Variants in NECTIN2 observed in about 807,000 individuals in gnomAD.
NECTIN2 encodes the protein nectin-2.
NECTIN2 carries 23 observed loss-of-function variants against 56.9 expected under a neutral mutation model. The observed-to-expected ratio is 0.40, with a 90% CI of 0.29 to 0.57. The LOEUF (loss-of-function observed/expected upper bound fraction) is 0.57, where lower values mean the gene tolerates loss of function less well. Ranked by LOEUF, NECTIN2 falls within the 20% of genes least tolerant of loss-of-function variation. The pLI, the probability that NECTIN2 is intolerant of heterozygous loss-of-function variation, is 0.38. For synonymous variants in NECTIN2, 302 were observed against 313.8 expected (o/e 0.96, Z 0.40); for missense variants, 587 against 718.3 (o/e 0.82, Z 2.09).
At chr19:44,883,715 C>T (rs1969332058) in intron 6 of NECTIN2, among the ~76,000 whole-genome samples, 1 of 152,152 alleles carries the variant, frequency 6.6e-6, no homozygotes, top group Non-Finnish European at 1.5e-5. Context: ...TGGTCCAGCT[C>T]CTCAGGAGGC....
chr19:44,882,036 C>T, intron 5 of NECTIN2, 175 bp from the exon 6 acceptor site: 1 of 461,528 alleles, frequency 2.2e-6, no homozygotes, highest in Non-Finnish European at 3.6e-6. Flanking sequence ...CCATGCGGGG[C>T]ACACATCCTC....
intron 2 of NECTIN2, among the ~76,000 whole-genome samples, chr19:44,869,152 C>G (rs901897715): frequency 6.6e-6 from 1 of 151,964 alleles, no homozygotes; most frequent in African/African-American, 2.4e-5. Flanking sequence ...CGCCTCTCTT[C>G]TTGTGCAATC....
intron 1 of NECTIN2, among the ~76,000 whole-genome samples, chr19:44,862,475 A>AAAG (rs56283909): frequency 0.33 from 49,060 of 149,822 alleles, 8,817 homozygotes; most frequent in Non-Finnish European, 0.39. Context: ...ATAAAAAAAA[A>AAAG]AAAGAAAGAA....
intron 1 of NECTIN2, among the ~76,000 whole-genome samples, chr19:44,854,126 A>C (rs999475673): frequency 1.3e-5 from 2 of 151,414 alleles, no homozygotes; most frequent in African/African-American, 4.9e-5. Flanking sequence ...TTTGTTTGAG[A>C]CCGAGTCCTC....
At position 44,846,404 on chromosome 19, in the gene NECTIN2, C is replaced by A; in HGVS notation, c.-122C>A. ...GCAGAACAGGGAGGCTAGAGCGCAGCGGGAACCGGCCCGGAGCCGGAGCCG... is the reference window on the plus strand; with the variant it reads ...GCAGAACAGGGAGGCTAGAGCGCAGAGGGAACCGGCCCGGAGCCGGAGCCG... On this transcript the variant is annotated 5_prime_UTR_variant, in exon 1 of 9. Transcript: ENST00000252483. 1.6e-6 allele frequency: 2 copies of A among 1,246,192 alleles called. No individual in the cohort carries two copies. Among genetic ancestry groups the A allele is most frequent in the Non-Finnish European group, 2.1e-6 (2 of 958,548 alleles). 77.2% of individuals were successfully genotyped at this position (1,246,192 alleles called of 1,614,324 possible). A position where few individuals can be genotyped will look rare whatever the true frequency, so the allele number is the denominator to read the frequency against.
intron 6 of NECTIN2, among the ~76,000 whole-genome samples, chr19:44,883,897 A>G (rs1003723175): frequency 6.6e-6 from 1 of 152,078 alleles, no homozygotes; most frequent in African/African-American, 2.4e-5. Flanking sequence ...ACCCAAGTAG[A>G]TAACTTGAGC....
intron 5 of NECTIN2, chr19:44,881,951 T>C (rs182946179): frequency 3.6e-5 from 12 of 331,948 alleles, no homozygotes; most frequent in Middle Eastern, 7.8e-4. Flanking sequence ...TTGCTTACTG[T>C]TGTTCTCCCT....
At chr19:44,860,836 C>G (rs1969023749) in intron 1 of NECTIN2, among the ~76,000 whole-genome samples, 1 of 151,740 alleles carries the variant, frequency 6.6e-6, no homozygotes, top group African/African-American at 2.4e-5. Context: ...AGTGGCCCAC[C>G]CACCTCGGTC....
intron 5 of NECTIN2, among the ~76,000 whole-genome samples, chr19:44,879,683 A>G (rs977087306): frequency 2.6e-5 from 4 of 152,098 alleles, no homozygotes; most frequent in Non-Finnish European, 5.9e-5. Flanking sequence ...AGTAAGGGAC[A>G]GGTTTTTACC....
chr19:44,859,348 G>A (rs957795108), intron 1 of NECTIN2, among the ~76,000 whole-genome samples: 1 of 152,140 alleles, frequency 6.6e-6, no homozygotes, highest in African/African-American at 2.4e-5. Flanking sequence ...CCCTTGGGAC[G>A]CAGGCACTAT....
chr19:44,864,015 C>CCCCA lies in NECTIN2; in HGVS notation c.89-1253_89-1252insACCC, dbSNP rs1969065165. Among the ~76,000 whole-genome samples the CCCCA allele has an allele frequency of 2.0e-5, 3 of 151,140 alleles. No individual in the cohort carries two copies. The South Asian group carries it at 6.3e-4, about 32-fold the overall frequency. ...TATTGATTTATTTTCAGAGGATTCC[C>CCCCA]CCCCCCCAAAAAAAAATCTTATGAA... On this transcript the variant is annotated intron_variant, in intron 1 of 8. Transcript: ENST00000252483.
chr19:44,887,056 A>G (rs1190460185), intron 8 of NECTIN2, among the ~76,000 whole-genome samples: 1 of 151,356 alleles, frequency 6.6e-6, no homozygotes, highest in Non-Finnish European at 1.5e-5. Context: ...GGTCAATGAA[A>G]ATTGATTATC....
At position 44,875,032 on chromosome 19, in the gene NECTIN2, C is replaced by A. The variant is rs1040330815; in HGVS notation, c.1042+554C>A. ...TCCTGGGACAGAGAGACCCCTGGGTCCTGGAGATAGGGCCAGAGACCCCTC... is the reference window on the plus strand; with the variant it reads ...TCCTGGGACAGAGAGACCCCTGGGTACTGGAGATAGGGCCAGAGACCCCTC... On this transcript the variant is annotated intron_variant, in intron 5 of 8. Coordinates refer to ENST00000252483, the MANE Select transcript of NECTIN2 (RefSeq NM_001042724.2). The surrounding 1 kb of genome is among the most constrained non-coding windows in gnomAD (Gnocchi z 4.2). Among the ~76,000 whole-genome samples the A allele has an allele frequency of 7.2e-5, 11 of 152,260 alleles. No homozygotes were observed. The highest frequency in any genetic ancestry group is 2.6e-4 in the African/African-American group (11 of 41,548).
chr19:44,885,952 C>A lies in NECTIN2; in HGVS notation c.1212C>A (p.Pro404=). ...AEEDEDLEGP[P]SYKPPTPKAK... Reference sequence around the variant, plus strand: ...TACCCCACAGCCTGGAGGGACCTCCCTCCTACAAGCCACCGACCCCAAAAG... The same window carrying A: ...TACCCCACAGCCTGGAGGGACCTCCATCCTACAAGCCACCGACCCCAAAAG... The change falls in exon 7 of 9, where the codon CCC becomes CCA. Residue 404 remains proline (P), a synonymous_variant. Transcript: ENST00000252483. 1.3e-6 allele frequency: 2 copies of A among 1,594,506 alleles called. No individual in the cohort carries two copies. Among genetic ancestry groups the A allele is most frequent in the Non-Finnish European group, 1.7e-6 (2 of 1,162,332 alleles).
At chr19:44,870,266 T>G (rs1344098676) in intron 2 of NECTIN2, among the ~76,000 whole-genome samples, 1 of 151,978 alleles carries the variant, frequency 6.6e-6, no homozygotes, top group Non-Finnish European at 1.5e-5. Context: ...GGGGAAGTGG[T>G]GGGCTCGGGC....
intron 8 of NECTIN2, 123 bp downstream of exon 8, chr19:44,886,342 T>G: frequency 1.4e-6 from 1 of 727,838 alleles, no homozygotes; most frequent in East Asian, 2.6e-5. Flanking sequence ...TGTCCCCGGT[T>G]GGTGCTTAAT....
At chr19:44,878,996 T>G in intron 5 of NECTIN2, 1 of 889,550 alleles carries the variant, frequency 1.1e-6, no homozygotes, top group Non-Finnish European at 1.4e-6. Flanking sequence ...AAAGAGAGGG[T>G]GGGACAGGGA....
chr19:44,882,588 C>G (rs41290124), intron 6 of NECTIN2, among the ~76,000 whole-genome samples: 25 of 150,930 alleles, frequency 1.7e-4, no homozygotes, highest in Admixed American at 8.6e-4. Flanking sequence ...TGGCTTACAC[C>G]TGCCATCCCA....
chr19:44,848,947 G>A (rs909346702), intron 1 of NECTIN2, among the ~76,000 whole-genome samples: 2 of 152,092 alleles, frequency 1.3e-5, no homozygotes, highest in Non-Finnish European at 2.9e-5. Flanking sequence ...CTGCCCATCC[G>A]TGTGTCCATG....
Sources: gnomAD v4.1 joint callset for allele counts (sites outside exome capture counted in the v4.1 genomes callset) on GRCh38, gnomAD v4.1.1 for gene constraint, Gnocchi (gnomAD v3.1) non-coding constraint, MANE v1.5 for transcripts, NCBI Gene and HGNC (gene_info 2026-07-23, HGNC 2026-07-21) for gene names.